RAB43: variants seen among roughly 807,000 people sequenced by gnomAD.
RAB43 encodes the protein ras-related protein Rab-43.
In RAB43, 6 loss-of-function variants were observed where a neutral mutation model predicts 18.8. That is an observed-to-expected ratio of 0.32 (90% confidence interval 0.17 to 0.63). RAB43 has a LOEUF of 0.63. Among genes scored for constraint, RAB43 ranks in the 30% least tolerant of loss-of-function variants. RAB43 has a pLI of 0.79. For synonymous variants in RAB43, 103 were observed against 124.1 expected (o/e 0.83, Z 1.13); for missense variants, 195 against 289.1 (o/e 0.67, Z 2.36).
At chr3:129,110,714 G>A (rs1208900100) in intron 1 of RAB43, among the ~76,000 whole-genome samples, 1 of 152,064 alleles carries the variant, frequency 6.6e-6, no homozygotes, top group Admixed American at 6.6e-5. Flanking sequence ...AAGTGAGAGT[G>A]GCTGCTTATG....
At chr3:129,092,900 G>A (rs1933770407) in intron 2 of RAB43, among the ~76,000 whole-genome samples, 1 of 151,736 alleles carries the variant, frequency 6.6e-6, no homozygotes, top group African/African-American at 2.4e-5. Context: ...AGCTTGCCAT[G>A]AGCCGAGATC....
intron 1 of RAB43, among the ~76,000 whole-genome samples, chr3:129,111,172 G>A (rs1022680837): frequency 1.3e-5 from 2 of 151,994 alleles, no homozygotes; most frequent in African/African-American, 4.8e-5. Flanking sequence ...TGTGGAGGGT[G>A]CCCTCCAGCC....
chr3:129,094,648 G>A (rs987835267), intron 2 of RAB43, among the ~76,000 whole-genome samples: 1 of 150,328 alleles, frequency 6.7e-6, no homozygotes, highest in African/African-American at 2.4e-5. Context: ...CCCAGCAGCT[G>A]GGACTACAGG....
intron 1 of RAB43, among the ~76,000 whole-genome samples, chr3:129,113,950 C>T (rs189889949): frequency 2.0e-4 from 30 of 152,216 alleles, no homozygotes; most frequent in Admixed American, 2.0e-3. Flanking sequence ...CTGCTTGAAC[C>T]AGGGAGGTGG....
intron 1 of RAB43, among the ~76,000 whole-genome samples, chr3:129,106,874 G>C (rs772570439): frequency 7.9e-5 from 12 of 152,206 alleles, no homozygotes; most frequent in Non-Finnish European, 1.6e-4. Context: ...TGGCGATGCA[G>C]AGTGAAGAAA....
intron 1 of RAB43, among the ~76,000 whole-genome samples, chr3:129,112,315 T>A: frequency 6.6e-6 from 1 of 151,794 alleles, no homozygotes; most frequent in East Asian, 1.9e-4. Context: ...AAGTTTTTAA[T>A]TGGAAATGGT....
chr3:129,091,720 A>G (rs1400012731), intron 2 of RAB43, among the ~76,000 whole-genome samples: 3 of 152,074 alleles, frequency 2.0e-5, no homozygotes, highest in Non-Finnish European at 4.4e-5. Flanking sequence ...TAATTTTTTA[A>G]AAGTCTCTAC....
At chr3:129,097,212 G>A (rs1421060309) in intron 1 of RAB43, among the ~76,000 whole-genome samples, 1 of 152,150 alleles carries the variant, frequency 6.6e-6, no homozygotes, top group African/African-American at 2.4e-5. Flanking sequence ...ATCAAGGAGA[G>A]GAAATCAAGT....
chr3:129,118,716 C>A (rs1935706160), intron 1 of RAB43, among the ~76,000 whole-genome samples: 1 of 152,110 alleles, frequency 6.6e-6, no homozygotes, highest in Non-Finnish European at 1.5e-5. Context: ...AAATAGATAC[C>A]ACGTCTCACT....
intron 2 of RAB43, among the ~76,000 whole-genome samples, chr3:129,094,681 A>T (rs988649374): frequency 3.4e-5 from 5 of 149,094 alleles, no homozygotes; most frequent in South Asian, 4.3e-4. Context: ...CAACCGGCTA[A>T]TTTTTTTTTA....
At position 129,095,074 on chromosome 3, in the gene RAB43, G is replaced by A; in HGVS notation, c.300C>T (p.Ile100=). Residue 100 remains isoleucine (I), a synonymous_variant, in exon 2 of 3, where the codon ATC becomes ATT. Transcript: ENST00000315150. This position sits in a 1 kb window ranked among gnomAD's most constrained non-coding sequence, Gnocchi z 4.2. The part of the protein sequence containing the change: ...SANGAILAYD[I]TKRSSFLSVP... Reference sequence around the variant, plus strand: ...CCGACAGGAAGGAGCTCCTCTTGGTGATGTCGTAGGCAAGGATGGCCCCAT... The same window carrying A: ...CCGACAGGAAGGAGCTCCTCTTGGTAATGTCGTAGGCAAGGATGGCCCCAT... 2.5e-6 allele frequency: 4 copies of A among 1,614,114 alleles called. No homozygotes were observed. Among genetic ancestry groups the A allele is most frequent in the Non-Finnish European group, 3.4e-6 (4 of 1,179,950 alleles).
At chr3:129,115,329 A>AAAAAAAC (rs771680528) in intron 1 of RAB43, among the ~76,000 whole-genome samples, 2 of 151,220 alleles carry the variant, frequency 1.3e-5, no homozygotes, top group Non-Finnish European at 2.9e-5. Context: ...CTCTACTAAA[A>AAAAAAAC]AAAAAACAAA....
chr3:129,121,699 CCCCGCCCGGA>C lies in RAB43; in HGVS notation c.-220_-211del. On this transcript the variant is annotated 5_prime_UTR_variant, in exon 1 of 3. Transcript: ENST00000315150. ...TGGCTCCCGCCCCGGCCCGGCTCGG[CCCCGCCCGGA>C]CCCGGTGCCCCGCGGGTTCGGCTCC... 2.9e-6 allele frequency: 1 copy of C among 339,392 alleles called. No individual in the cohort carries two copies. 21.0% of individuals were successfully genotyped at this position (339,392 alleles called of 1,614,324 possible).
chr3:129,097,066 T>C (rs1232155913), intron 1 of RAB43, among the ~76,000 whole-genome samples: 1 of 151,696 alleles, frequency 6.6e-6, no homozygotes, highest in African/African-American at 2.4e-5. Context: ...TGAGCCGAGA[T>C]CACGCCACTG....
Position 129,095,304 on chromosome 3 carries a change from C to T in RAB43, c.205-135G>A, listed in dbSNP as rs533188469. ...GGCCTTCTGAGTCCTTAGAAAGCAA[C>T]TCAATGGCTCAACCTTGTTGGAAAA... On this transcript the variant is annotated intron_variant, in intron 1 of 2. Coordinates refer to ENST00000315150, the MANE Select transcript of RAB43 (RefSeq NM_198490.3). The surrounding 1 kb of genome is among the most constrained non-coding windows in gnomAD (Gnocchi z 4.2). 2.4e-6 allele frequency: 3 copies of T among 1,250,156 alleles called. No homozygotes were observed. Among genetic ancestry groups the T allele is most frequent in the Admixed American group, 2.9e-5 (1 of 34,626 alleles). 77.4% of individuals were successfully genotyped at this position (1,250,156 alleles called of 1,614,324 possible). A position where few individuals can be genotyped will look rare whatever the true frequency, so the allele number is the denominator to read the frequency against.
chr3:129,115,236 C>G (rs780539103), intron 1 of RAB43, among the ~76,000 whole-genome samples: 5 of 151,426 alleles, frequency 3.3e-5, no homozygotes, highest in Non-Finnish European at 5.9e-5. Flanking sequence ...GCCTGTAATT[C>G]CAGCACTTTG....
At chr3:129,121,191 T>A (rs9865992) in intron 1 of RAB43, 95 bp downstream of exon 1, 1 of 1,131,116 alleles carries the variant, frequency 8.8e-7, no homozygotes, top group Non-Finnish European at 1.3e-6. Flanking sequence ...AAACTTCAGA[T>A]GGACGCGGGG....
rs558738653 is a variant in RAB43, at chr3:129,102,193, T to G, written c.205-7024A>C. Among the ~76,000 whole-genome samples, 9 of 152,352 alleles carry G rather than the reference T, an allele frequency of 5.9e-5. No individual in the cohort carries two copies. The South Asian group carries it at 1.9e-3, about 32-fold the overall frequency. ...GGTCAAGACCACTGCCCATGGCAGCTAAATGAAAGATGCAGCTCTATCTAA... is the reference window on the plus strand; with the variant it reads ...GGTCAAGACCACTGCCCATGGCAGCGAAATGAAAGATGCAGCTCTATCTAA... On this transcript the variant is annotated intron_variant, in intron 1 of 2. Transcript: ENST00000315150.
At chr3:129,092,955 CAAAAA>C (rs745819526) in intron 2 of RAB43, among the ~76,000 whole-genome samples, 4 of 116,702 alleles carry the variant, frequency 3.4e-5, no homozygotes, top group African/African-American at 1.3e-4. Context: ...GACTCTGTCT[CAAAAA>C]AAAAAAAAAG....
Sources: gnomAD v4.1 joint callset for allele counts (sites outside exome capture counted in the v4.1 genomes callset) on GRCh38, gnomAD v4.1.1 for gene constraint, Gnocchi (gnomAD v3.1) non-coding constraint, MANE v1.5 for transcripts, NCBI Gene and HGNC (gene_info 2026-07-23, HGNC 2026-07-21) for gene names.